SIL1: variants seen among roughly 807,000 people sequenced by gnomAD.
SIL1 encodes SIL1 nucleotide exchange factor, also known as nucleotide exchange factor SIL1.
A neutral mutation model predicts 49.1 loss-of-function variants in SIL1; 40 were observed. The ratio of observed to expected loss-of-function variants is 0.81; its 90% CI spans 0.63 to 1.06. The LOEUF is 1.06. SIL1 is among the 50% of genes least tolerant of loss of function. SIL1 has a pLI of 0.00. For missense variants in SIL1, 500 were observed against 572.6 expected, an observed-to-expected ratio of 0.87 and a Z score of 1.29; for synonymous variants, 253 against 250.8, an observed-to-expected ratio of 1.01 and a Z score of -0.08.
At chr5:139,151,181 G>T (rs1751291787) in intron 1 of SIL1, among the ~76,000 whole-genome samples, 1 of 152,060 alleles carries the variant, frequency 6.6e-6, no homozygotes, top group African/African-American at 2.4e-5. Context: ...CCCCACACCA[G>T]CCTAGAAAGA....
At chr5:138,951,724 C>G in intron 8 of SIL1, 64 bp downstream of exon 8, 1 of 1,459,226 alleles carries the variant, frequency 6.9e-7, no homozygotes. Context: ...GGACAGGAAC[C>G]CTTTCCTTTC....
At chr5:138,962,692 A>C (rs1429144358) in intron 7 of SIL1, among the ~76,000 whole-genome samples, 1 of 152,244 alleles carries the variant, frequency 6.6e-6, no homozygotes, top group African/African-American at 2.4e-5. Flanking sequence ...GAGAGGAGCT[A>C]TCTGTGTTGG....
At chr5:139,016,371 T>TAGAAAC in intron 7 of SIL1, among the ~76,000 whole-genome samples, 1 of 152,094 alleles carries the variant, frequency 6.6e-6, no homozygotes, top group Admixed American at 6.6e-5. Context: ...GACAGTGTGG[T>TAGAAAC]AGAAACGTAG....
chr5:138,955,537 C>A (rs529966086), intron 7 of SIL1, among the ~76,000 whole-genome samples: 1 of 152,164 alleles, frequency 6.6e-6, no homozygotes, highest in Non-Finnish European at 1.5e-5. Flanking sequence ...TTTTAGCTAA[C>A]TGAAGCTAAG....
chr5:139,042,115 T>TG (rs1769060562), intron 5 of SIL1, among the ~76,000 whole-genome samples: 1 of 152,222 alleles, frequency 6.6e-6, no homozygotes, highest in Non-Finnish European at 1.5e-5. Context: ...GTCATCCTCT[T>TG]GTTCCAGCCC....
At chr5:139,080,274 A>G (rs761250041) in intron 3 of SIL1, among the ~76,000 whole-genome samples, 2 of 152,222 alleles carry the variant, frequency 1.3e-5, no homozygotes, top group Non-Finnish European at 2.9e-5. Flanking sequence ...TACAGTGTGG[A>G]CACAAATGGA....
intron 1 of SIL1, among the ~76,000 whole-genome samples, chr5:139,143,714 C>G (rs1156376782): frequency 2.0e-5 from 3 of 152,056 alleles, no homozygotes; most frequent in Non-Finnish European, 4.4e-5. Flanking sequence ...CAAATAAAAC[C>G]TGTTAGAGCT....
At chr5:139,125,906 G>A (rs982875554) in intron 2 of SIL1, among the ~76,000 whole-genome samples, 3 of 152,148 alleles carry the variant, frequency 2.0e-5, no homozygotes, top group Admixed American at 6.5e-5. Flanking sequence ...CAGGAGCCAG[G>A]AAGGAAAGCT....
At chr5:139,024,474 C>A (rs2150431065) in intron 6 of SIL1, among the ~76,000 whole-genome samples, 1 of 152,326 alleles carries the variant, frequency 6.6e-6, no homozygotes, top group Admixed American at 6.5e-5. Context: ...TACTCATCCT[C>A]TTTCACCACA....
chr5:139,000,736 T>TA (rs1170996209), intron 7 of SIL1, among the ~76,000 whole-genome samples: 1 of 152,118 alleles, frequency 6.6e-6, no homozygotes, highest in Admixed American at 6.5e-5. Flanking sequence ...TCTGACTTTC[T>TA]AAAAATACTT....
chr5:139,036,206 T>C (rs1768907102), intron 5 of SIL1, among the ~76,000 whole-genome samples: 1 of 152,230 alleles, frequency 6.6e-6, no homozygotes, highest in Admixed American at 6.5e-5. Flanking sequence ...GGTTTTGGCA[T>C]CTTCGTCATG....
intron 7 of SIL1, among the ~76,000 whole-genome samples, chr5:138,965,752 G>A (rs1767125575): frequency 6.9e-6 from 1 of 145,786 alleles, no homozygotes; most frequent in Admixed American, 7.1e-5. Context: ...AAGGGCTCTG[G>A]AGCCACACAG....
intron 1 of SIL1, among the ~76,000 whole-genome samples, chr5:139,192,743 AT>A (rs774551576): frequency 7.9e-5 from 12 of 152,032 alleles, no homozygotes; most frequent in Non-Finnish European, 1.2e-4. Context: ...ACACTTAATA[AT>A]CCCAGTACTT....
chr5:139,001,898 C>T (rs1380762496), intron 7 of SIL1, among the ~76,000 whole-genome samples: 6 of 150,228 alleles, frequency 4.0e-5, no homozygotes, highest in Admixed American at 1.3e-4. Context: ...AGTGAGACTC[C>T]GTCTAAAAAA....
At chr5:139,121,935 T>C (rs1024395909) in intron 2 of SIL1, among the ~76,000 whole-genome samples, 1 of 152,228 alleles carries the variant, frequency 6.6e-6, no homozygotes, top group Non-Finnish European at 1.5e-5. Context: ...TTTTGCTCTT[T>C]CCTGGACTCT....
At chr5:138,996,976 C>T (rs1767884501) in intron 7 of SIL1, among the ~76,000 whole-genome samples, 1 of 152,178 alleles carries the variant, frequency 6.6e-6, no homozygotes. Flanking sequence ...TCTGTCACCA[C>T]AGCTGGAGTG....
intron 1 of SIL1, among the ~76,000 whole-genome samples, chr5:139,180,211 T>G (rs752100106): frequency 1.9e-4 from 29 of 151,206 alleles, no homozygotes; most frequent in Non-Finnish European, 3.8e-4. Context: ...AAACCTCATC[T>G]CTACTAAAAA....
chr5:139,138,659 A>G (rs903125173), intron 1 of SIL1, among the ~76,000 whole-genome samples: 1 of 152,214 alleles, frequency 6.6e-6, no homozygotes, highest in African/African-American at 2.4e-5. Flanking sequence ...ACTTGATAGT[A>G]ACTATTTAGT....
chr5:139,069,466 G>A (rs1284278751), intron 3 of SIL1, among the ~76,000 whole-genome samples: 1 of 151,986 alleles, frequency 6.6e-6, no homozygotes, highest in African/African-American at 2.4e-5. Flanking sequence ...AATAAACAAT[G>A]AAGAAAGACA....
Sources: gnomAD v4.1 joint callset for allele counts (sites outside exome capture counted in the v4.1 genomes callset) on GRCh38, gnomAD v4.1.1 for gene constraint, MANE v1.5 for transcripts, NCBI Gene and HGNC (gene_info 2026-07-23, HGNC 2026-07-21) for gene names.